CDK8: variants seen among roughly 807,000 people sequenced by gnomAD.
CDK8 encodes the protein cyclin dependent kinase 8, also known as cyclin-dependent kinase 8.
Under a neutral mutation model 71.5 loss-of-function variants are expected in CDK8, and 29 were observed. The observed-to-expected ratio is 0.41, with a 90% CI of 0.30 to 0.55. The LOEUF is 0.55. Among genes scored for constraint, CDK8 ranks in the 20% least tolerant of loss-of-function variants. CDK8 has a pLI of 0.37. For synonymous variants in CDK8, 161 were observed against 192.1 expected (o/e 0.84, Z 1.34); for missense variants, 288 against 572.6 (o/e 0.50, Z 5.07).
chr13:26,289,551 CTTGT>C (rs972940531), intron 1 of CDK8, among the ~76,000 whole-genome samples: 11 of 151,806 alleles, frequency 7.2e-5, no homozygotes, highest in African/African-American at 1.9e-4. Flanking sequence ...TTGAAATTTG[CTTGT>C]TTGTTTGTTT....
At chr13:26,332,862 T>G (rs9578997) in intron 1 of CDK8, among the ~76,000 whole-genome samples, 5,419 of 152,280 alleles carry the variant, frequency 0.036, 318 homozygotes, top group African/African-American at 0.12. Context: ...TGAACATACA[T>G]TGCGTTGTCT....
intron 4 of CDK8, among the ~76,000 whole-genome samples, chr13:26,372,812 C>T (rs1874753026): frequency 1.3e-5 from 2 of 152,116 alleles, no homozygotes; most frequent in South Asian, 4.1e-4. Flanking sequence ...ACATAACTAA[C>T]ATTCATGTTG....
At chr13:26,311,886 G>T (rs1304759640) in intron 1 of CDK8, among the ~76,000 whole-genome samples, 1 of 152,146 alleles carries the variant, frequency 6.6e-6, no homozygotes, top group Non-Finnish European at 1.5e-5. Context: ...AGTTACATTA[G>T]GTAAAAGTAG....
intron 1 of CDK8, among the ~76,000 whole-genome samples, chr13:26,318,461 C>G (rs1275789404): frequency 6.6e-6 from 1 of 152,138 alleles, no homozygotes; most frequent in African/African-American, 2.4e-5. Flanking sequence ...ACCCCGGTAC[C>G]AAAGCCAGAC....
At chr13:26,400,364 C>T (rs1876197690) in intron 9 of CDK8, 89 bp from the exon 10 acceptor site, 3 of 782,832 alleles carry the variant, frequency 3.8e-6, no homozygotes, top group Non-Finnish European at 6.6e-6. Context: ...TGATGTTATT[C>T]ACCAAAAAAT....
At chr13:26,298,391 T>C (rs1426228493) in intron 1 of CDK8, among the ~76,000 whole-genome samples, 1 of 152,140 alleles carries the variant, frequency 6.6e-6, no homozygotes, top group Non-Finnish European at 1.5e-5. Context: ...TTTGCTCATA[T>C]TAGTCTCAGA....
chr13:26,265,109 T>C (rs1215851571), intron 1 of CDK8, among the ~76,000 whole-genome samples: 1 of 152,176 alleles, frequency 6.6e-6, no homozygotes, highest in Non-Finnish European at 1.5e-5. Context: ...ATCTCTTTGA[T>C]TGCTGGATTG....
At chr13:26,293,373 C>T (rs1017041817) in intron 1 of CDK8, among the ~76,000 whole-genome samples, 37 of 152,120 alleles carry the variant, frequency 2.4e-4, no homozygotes, top group South Asian at 1.9e-3. Context: ...GCGGCCAAGG[C>T]GGGTGGATTG....
intron 6 of CDK8, among the ~76,000 whole-genome samples, chr13:26,392,965 T>C (rs1374656106): frequency 6.6e-6 from 1 of 152,254 alleles, no homozygotes; most frequent in African/African-American, 2.4e-5. Context: ...GTTTTCCGTT[T>C]GTTTTTGTTT....
At chr13:26,339,747 T>TAAA (rs759709011) in intron 2 of CDK8, among the ~76,000 whole-genome samples, 5 of 29,880 alleles carry the variant, frequency 1.7e-4, no homozygotes, top group Non-Finnish European at 3.8e-4. Flanking sequence ...TATAATTACT[T>TAAA]AAAAAAAAAA....
chr13:26,278,102 G>T (rs542197388), intron 1 of CDK8, among the ~76,000 whole-genome samples: 1 of 152,294 alleles, frequency 6.6e-6, no homozygotes, highest in South Asian at 2.1e-4. Context: ...TGACAATTTG[G>T]TGGAGTTGTT....
At chr13:26,331,347 T>C (rs1875305746) in intron 1 of CDK8, among the ~76,000 whole-genome samples, 1 of 152,284 alleles carries the variant, frequency 6.6e-6, no homozygotes, top group Non-Finnish European at 1.5e-5. Context: ...TGGATATTAG[T>C]CCCCTCAGAT....
intron 1 of CDK8, among the ~76,000 whole-genome samples, chr13:26,299,540 G>A (rs371822816): frequency 1.5e-4 from 23 of 152,214 alleles, no homozygotes; most frequent in Admixed American, 1.2e-3. Context: ...TATGCAGTAT[G>A]TGACTGTATT....
intron 4 of CDK8, among the ~76,000 whole-genome samples, chr13:26,360,881 C>A (rs971728884): frequency 1.3e-5 from 2 of 152,178 alleles, no homozygotes; most frequent in Admixed American, 6.5e-5. Context: ...AGCTTCCCCC[C>A]ATCCGTCTGC....
In CDK8 at chr13:26,357,404, T is replaced by C. The variant is rs142565483; in HGVS notation, c.456+3524T>C. 6.8e-3 allele frequency among the ~76,000 whole-genome samples: 1,035 copies of C among 152,358 alleles called. 8 individuals are homozygous for C. Among genetic ancestry groups the C allele is most frequent in the Middle Eastern group, 0.024 (7 of 294 alleles). On this transcript the variant is annotated intron_variant, in intron 4 of 12. Transcript: ENST00000381527. ...TTTTTAGTTTTAGAACATTAAAATA[T>C]GTATATGTAAGTTGTTGCTTATACA...
intron 1 of CDK8, among the ~76,000 whole-genome samples, chr13:26,305,875 T>C (rs1295273615): frequency 3.3e-5 from 5 of 152,194 alleles, no homozygotes; most frequent in Non-Finnish European, 7.3e-5. Flanking sequence ...GCAATAAATA[T>C]ATAATATGCA....
At chr13:26,400,333 G>T in intron 9 of CDK8, 120 bp from the exon 10 acceptor site, 2 of 668,678 alleles carry the variant, frequency 3.0e-6, no homozygotes, top group Non-Finnish European at 5.4e-6. Flanking sequence ...TAATTTGGGG[G>T]AATAAATATT....
At chr13:26,340,930 A>AT (rs989175442) in intron 2 of CDK8, among the ~76,000 whole-genome samples, 2 of 152,092 alleles carry the variant, frequency 1.3e-5, no homozygotes, top group Admixed American at 6.5e-5. Flanking sequence ...CTTCATCTTC[A>AT]TTTTTTTGTA....
chr13:26,320,180 G>A (rs1347668458), intron 1 of CDK8, among the ~76,000 whole-genome samples: 2 of 151,852 alleles, frequency 1.3e-5, no homozygotes, highest in African/African-American at 2.4e-5. Flanking sequence ...AGGGAAGATC[G>A]CTTGAGCCCA....
Sources: allele counts gnomAD v4.1 joint callset (sites outside exome capture counted in the v4.1 genomes callset), GRCh38; gene constraint gnomAD v4.1.1; transcripts MANE v1.5; gene names NCBI Gene and HGNC (gene_info 2026-07-23, HGNC 2026-07-21).